The following MYO18A variants were observed in gnomAD, a reference collection of about 807,000 sequenced individuals.
MYO18A encodes the protein myosin XVIIIA, also known as unconventional myosin-XVIIIa.
In MYO18A, 78 loss-of-function variants were observed where a neutral mutation model predicts 235.8. The ratio of observed to expected loss-of-function variants is 0.33; its 90% CI spans 0.28 to 0.40. MYO18A has a LOEUF of 0.40. MYO18A is among the 10% of genes least tolerant of loss of function. MYO18A has a pLI of 1.00. For missense variants in MYO18A, 2,215 were observed against 2,699.3 expected (o/e 0.82, Z 3.98); for synonymous variants, 977 against 1,077.8 (o/e 0.91, Z 1.83).
rs1211721622 is a variant in MYO18A, at chr17:29,117,963, C to T, written c.2038+82G>A. On this transcript the variant is annotated intron_variant, in intron 10 of 41. Coordinates refer to ENST00000527372, the MANE Select transcript of MYO18A (RefSeq NM_078471.4). The surrounding 1 kb of genome is among the most constrained non-coding windows in gnomAD (Gnocchi z 4.6). Reference sequence around the variant, plus strand: ...TCAGAACGGCTAAGTCTGTGCTGGGCAAGAATAAACTGGGAGTGGGCAGGG... The same window carrying T: ...TCAGAACGGCTAAGTCTGTGCTGGGTAAGAATAAACTGGGAGTGGGCAGGG... 6.8e-7 allele frequency: 1 copy of T among 1,472,726 alleles called. No homozygotes were observed. 91.2% of individuals were successfully genotyped at this position (1,472,726 alleles called of 1,614,324 possible).
intron 38 of MYO18A, 84 bp from the exon 39 acceptor site, chr17:29,086,661 C>T (rs907024520): frequency 6.6e-6 from 10 of 1,512,144 alleles, no homozygotes; most frequent in African/African-American, 2.8e-5. Flanking sequence ...AAGTACTTTC[C>T]GGTCATGGGG....
rs1318072159 is a variant in MYO18A, at chr17:29,118,313, C to A, written c.1893+64G>T. The A allele has an allele frequency of 6.4e-7, 1 of 1,568,694 alleles. No individual in the cohort carries two copies. Among genetic ancestry groups the A allele is most frequent in the African/African-American group, 1.4e-5 (1 of 73,948 alleles). ...TGGGCTCCCACTATTCCCACAGGAC[C>A]CATGGAGGCTTCTCCTACCCCCAAG... On this transcript the variant is annotated intron_variant, in intron 9 of 41. Transcript: ENST00000527372. The surrounding 1 kb of genome is among the most constrained non-coding windows in gnomAD (Gnocchi z 4.2).
At chr17:29,159,818 C>G (rs1482874235) in intron 2 of MYO18A, among the ~76,000 whole-genome samples, 3 of 152,226 alleles carry the variant, frequency 2.0e-5, no homozygotes, top group Non-Finnish European at 4.4e-5. Flanking sequence ...GCTCTCCTGT[C>G]CTTCTCCCAG....
chr17:29,167,568 C>G (rs2068310476), intron 1 of MYO18A, among the ~76,000 whole-genome samples: 1 of 152,002 alleles, frequency 6.6e-6, no homozygotes, highest in Non-Finnish European at 1.5e-5. Flanking sequence ...TAAAAATTAG[C>G]CAGGCATGCT....
In MYO18A at chr17:29,111,981, G is replaced by A. The variant is rs578207852; in HGVS notation, c.2599-118C>T. On this transcript the variant is annotated intron_variant, in intron 15 of 41. Coordinates refer to ENST00000527372, the MANE Select transcript of MYO18A (RefSeq NM_078471.4). The surrounding 1 kb of genome is among the most constrained non-coding windows in gnomAD (Gnocchi z 5.1). ...TACACATGTGCACACATGCACACAC[G>A]CACATGCCGCAGCTCCTGCCGCTCA... The A allele has an allele frequency of 2.3e-5, 29 of 1,272,642 alleles. No homozygotes were observed. The Middle Eastern group carries it at 1.0e-3, about 45-fold the overall frequency. The allele number at this position is 1,272,642 out of a possible 1,614,324, so 78.8% of individuals were successfully genotyped here. A position where few individuals can be genotyped will look rare whatever the true frequency, so the allele number is the denominator to read the frequency against.
Position 29,158,505 on chromosome 17 carries a change from C to T in MYO18A, c.999+7437G>A, listed in dbSNP as rs1287328866. On this transcript the variant is annotated intron_variant, in intron 2 of 41. Transcript: ENST00000527372. The surrounding 1 kb of genome is among the most constrained non-coding windows in gnomAD (Gnocchi z 4.3). ...AGGTGGGGGCCCTGAAAACTCCGCT[C>T]TTTCGCAGTGGCTGTCTGGCATGGT... 6.6e-6 allele frequency among the ~76,000 whole-genome samples: 1 copy of T among 152,238 alleles called. No individual in the cohort carries two copies. The highest frequency in any genetic ancestry group is 2.4e-5 in the African/African-American group (1 of 41,464).
chr17:29,123,872 C>T (rs1471000825), intron 2 of MYO18A, among the ~76,000 whole-genome samples: 1 of 152,068 alleles, frequency 6.6e-6, no homozygotes, highest in African/African-American at 2.4e-5. Flanking sequence ...CACAGTGAAA[C>T]CCTGTCTCCA....
intron 2 of MYO18A, among the ~76,000 whole-genome samples, chr17:29,156,687 C>G (rs1027075527): frequency 3.3e-5 from 5 of 152,212 alleles, no homozygotes; most frequent in African/African-American, 1.2e-4. Flanking sequence ...ATGCAGTGCT[C>G]CAGCACTGGA....
intron 2 of MYO18A, among the ~76,000 whole-genome samples, chr17:29,142,526 G>C (rs543900021): frequency 5.3e-5 from 8 of 152,318 alleles, no homozygotes; most frequent in African/African-American, 1.9e-4. Flanking sequence ...GGCCAGCAGC[G>C]TGGGCATCCC....
At chr17:29,131,695 T>G (rs1189237340) in intron 2 of MYO18A, among the ~76,000 whole-genome samples, 1 of 152,226 alleles carries the variant, frequency 6.6e-6, no homozygotes, top group Non-Finnish European at 1.5e-5. Flanking sequence ...ACCAGCCACT[T>G]TGCCCACTTT....
rs576735776 is a variant in MYO18A at position 29,166,047 on chromosome 17, C to A, written c.894G>T (p.Gln298His). ...CCTTGAGCCGCACGCTGTCCCCTGA[C>A]TGCCGGATCATCTCCACAATCTCAT... ...SRDEIVEMIR[Q>H]SGDSVRLKVQ... The change falls in exon 2 of 42, where the codon CAG becomes CAT. Residue 298 changes from glutamine to histidine, a missense_variant. Gln to His is a conservative substitution (Grantham distance 24). Transcript: ENST00000527372. 6.2e-7 allele frequency: 1 copy of A among 1,613,770 alleles called. No individual in the cohort carries two copies. Among genetic ancestry groups the A allele is most frequent in the Non-Finnish European group, 8.5e-7 (1 of 1,179,900 alleles).
chr17:29,170,344 G>C (rs957087523), intron 1 of MYO18A, among the ~76,000 whole-genome samples: 1 of 152,198 alleles, frequency 6.6e-6, no homozygotes, highest in African/African-American at 2.4e-5. Context: ...GCTGTGGACT[G>C]GTTCTCTCCT....
chr17:29,097,819 C>A lies in MYO18A; in HGVS notation c.4071G>T (p.Glu1357Asp). ...CATCATCATCCACTTCCCCGTTGATCTCCGCTGCCCGGATGAGACGGGCCT... is the reference window on the plus strand; with the variant it reads ...CATCATCATCCACTTCCCCGTTGATATCCGCTGCCCGGATGAGACGGGCCT... ...VMEARLIRAA[E>D]INGEVDDDDA... The change falls in exon 26 of 42, where the codon GAG (glutamate) becomes GAT (aspartate). Residue 1357 changes from glutamate (E) to aspartate (D), a missense_variant. Physicochemically the swap from Glu to Asp is conservative, Grantham distance 45. Transcript: ENST00000527372. 2 of 1,613,576 alleles carry A rather than the reference C, an allele frequency of 1.2e-6. No homozygotes were observed. The highest frequency in any genetic ancestry group is 1.7e-6 in the Non-Finnish European group (2 of 1,179,672).
At chr17:29,081,804 T>G (rs920216855) in intron 41 of MYO18A, among the ~76,000 whole-genome samples, 1 of 151,852 alleles carries the variant, frequency 6.6e-6, no homozygotes, top group African/African-American at 2.4e-5. Context: ...TGGATGGGTA[T>G]TAGGAGGAAA....
intron 33 of MYO18A, 52 bp from the exon 34 acceptor site, chr17:29,092,508 G>T (rs1355249473): frequency 2.4e-5 from 34 of 1,440,850 alleles, no homozygotes; most frequent in Non-Finnish European, 3.3e-5. Context: ...ATTCCTTGGG[G>T]GCAGGAGGGC....
intron 10 of MYO18A, among the ~76,000 whole-genome samples, chr17:29,116,773 G>C (rs11871403): frequency 8.5e-6 from 1 of 117,180 alleles, no homozygotes; most frequent in East Asian, 2.5e-4. Flanking sequence ...GCTCTGAGGC[G>C]CTAACAGACA....
At position 29,151,124 on chromosome 17, in the gene MYO18A, C is replaced by T. The variant is rs576653592; in HGVS notation, c.999+14818G>A. Reference sequence around the variant, plus strand: ...TTTAATTAGCCAAGTGTGGTCCCAGCAACTTGGGAGGGGGAGGTGGGAGGA... The same window carrying T: ...TTTAATTAGCCAAGTGTGGTCCCAGTAACTTGGGAGGGGGAGGTGGGAGGA... On this transcript the variant is annotated intron_variant, in intron 2 of 41. Coordinates refer to ENST00000527372, the MANE Select transcript of MYO18A (RefSeq NM_078471.4). Among the ~76,000 whole-genome samples the T allele has an allele frequency of 8.5e-5, 13 of 152,150 alleles. 1 individual carries two copies. Among genetic ancestry groups the T allele is most frequent in the African/African-American group, 2.9e-4 (12 of 41,504 alleles).
Position 29,175,122 on chromosome 17 carries a change from C to CT in MYO18A, c.-82+5190dup, listed in dbSNP as rs1254316452. Among the ~76,000 whole-genome samples the CT allele has an allele frequency of 2.2e-3, 330 of 150,512 alleles. 2 individuals are homozygous for CT. The highest frequency in any genetic ancestry group is 7.1e-3 in the African/African-American group (293 of 41,024). On this transcript the variant is annotated intron_variant, in intron 1 of 41. Transcript: ENST00000527372. Reference sequence around the variant, plus strand: ...TTTCATCCATATTTTAATTTTTTTTCTTTTTTTTTAAATAACAGAGATGGG... The same window carrying CT: ...TTTCATCCATATTTTAATTTTTTTTCTTTTTTTTTTAAATAACAGAGATGGG...
At chr17:29,127,789 G>A (rs2067359883) in intron 2 of MYO18A, 1 of 926,994 alleles carries the variant, frequency 1.1e-6, no homozygotes. Context: ...CCGGCTGTGA[G>A]GGTGCCTGGC....
Sources: gnomAD v4.1 joint callset for allele counts (sites outside exome capture counted in the v4.1 genomes callset) on GRCh38, gnomAD v4.1.1 for gene constraint, Gnocchi (gnomAD v3.1) non-coding constraint, MANE v1.5 for transcripts, NCBI Gene and HGNC (gene_info 2026-07-23, HGNC 2026-07-21) for gene names.